SLC44A5: variants seen among roughly 807,000 people sequenced by gnomAD.
SLC44A5 encodes choline transporter-like protein 5.
Under a neutral mutation model 101.8 loss-of-function variants are expected in SLC44A5, and 57 were observed. The observed-to-expected ratio is 0.56, with a 90% CI of 0.45 to 0.70. SLC44A5 has a LOEUF of 0.70. Among genes scored for constraint, SLC44A5 ranks in the 30% least tolerant of loss-of-function variants. The probability of loss-of-function intolerance (pLI) is 0.00; values close to 1 mark genes in which losing one functional copy is unlikely to be tolerated. For missense variants in SLC44A5, 737 were observed against 853.1 expected, an observed-to-expected ratio of 0.86 and a Z score of 1.70; for synonymous variants, 281 against 290.9, an observed-to-expected ratio of 0.97 and a Z score of 0.35.
chr1:75,692,259 A>T, the SLC44A5 span, among the ~76,000 whole-genome samples: 134,642 of 148,410 alleles, frequency 0.91, 61,265 homozygotes, highest in Middle Eastern at 0.94. Context: ...AGTGGCACGA[A>T]CTTGGCTCAC....
chr1:75,599,301 G>A (rs897212105), intron 1 of SLC44A5, among the ~76,000 whole-genome samples: 2 of 152,176 alleles, frequency 1.3e-5, no homozygotes, highest in Non-Finnish European at 2.9e-5. Flanking sequence ...CTTGGAAATA[G>A]AGCACTGTTT....
chr1:75,610,987 T>C, intron 1 of SLC44A5, 53 bp downstream of exon 1: 1 of 843,762 alleles, frequency 1.2e-6, no homozygotes, highest in Non-Finnish European at 1.4e-6. Flanking sequence ...AATAACAAAC[T>C]TGACCAATTT....
At chr1:75,370,045 C>T (rs1660125530) in intron 3 of SLC44A5, among the ~76,000 whole-genome samples, 1 of 152,200 alleles carries the variant, frequency 6.6e-6, no homozygotes, top group South Asian at 2.1e-4. Context: ...TAGGCTTTTA[C>T]ACTAAGAGTA....
chr1:75,541,322 GACA>G lies in SLC44A5; in HGVS notation c.13+110_13+112del. 3.8e-6 allele frequency: 3 copies of G among 789,904 alleles called. No individual in the cohort carries two copies. In the South Asian group the frequency reaches 5.2e-5, roughly 14 times the overall value. 48.9% of individuals were successfully genotyped at this position (789,904 alleles called of 1,614,324 possible). ...TAGTTTTCCAGGTGCAGCTTCCAGTGACAACATAGTATATACTCATTTTTCTAT... is the reference window on the plus strand; with the variant it reads ...TAGTTTTCCAGGTGCAGCTTCCAGTGACATAGTATATACTCATTTTTCTAT... On this transcript the variant is annotated intron_variant, in intron 2 of 23. Transcript: ENST00000370859.
chr1:75,280,075 A>T (rs2100767749), intron 5 of SLC44A5, among the ~76,000 whole-genome samples: 1 of 144,782 alleles, frequency 6.9e-6, no homozygotes, highest in East Asian at 2.0e-4. Context: ...TGCAAATTAC[A>T]TTATTTCATT....
intron 1 of SLC44A5, among the ~76,000 whole-genome samples, chr1:75,572,115 T>C (rs1570643234): frequency 6.6e-6 from 1 of 152,210 alleles, no homozygotes; most frequent in South Asian, 2.1e-4. Flanking sequence ...TTTTATCTCC[T>C]GTGTACCCTT....
chr1:75,465,811 A>G (rs1412902556), intron 2 of SLC44A5, among the ~76,000 whole-genome samples: 8 of 152,162 alleles, frequency 5.3e-5, no homozygotes, highest in Non-Finnish European at 4.4e-5. Flanking sequence ...ACACATGCAA[A>G]CTACCAAGAT....
At chr1:75,408,097 C>A (rs552681428) in intron 2 of SLC44A5, among the ~76,000 whole-genome samples, 1 of 152,126 alleles carries the variant, frequency 6.6e-6, no homozygotes, top group Admixed American at 6.5e-5. Flanking sequence ...ATGTGGCCTA[C>A]AAACATATGA....
the SLC44A5 span, among the ~76,000 whole-genome samples, chr1:75,678,109 C>G: frequency 3.9e-5 from 6 of 152,274 alleles, no homozygotes; most frequent in African/African-American, 1.4e-4. Context: ...CTCGGAGGGT[C>G]CTACCCCACG....
intron 2 of SLC44A5, among the ~76,000 whole-genome samples, chr1:75,402,967 A>T (rs550276765): frequency 6.6e-6 from 1 of 152,346 alleles, no homozygotes; most frequent in South Asian, 2.1e-4. Flanking sequence ...CGCTGACAGC[A>T]CAGCAGTCTG....
At chr1:75,635,242 T>A in the SLC44A5 span, among the ~76,000 whole-genome samples, 1 of 151,108 alleles carries the variant, frequency 6.6e-6, no homozygotes, top group East Asian at 2.0e-4. Flanking sequence ...ATTGTGGAAG[T>A]CAGTGTGGCG....
chr1:75,700,619 A>G, the SLC44A5 span, among the ~76,000 whole-genome samples: 90 of 152,344 alleles, frequency 5.9e-4, no homozygotes, highest in Middle Eastern at 3.4e-3. Flanking sequence ...GAGCAAACAC[A>G]TTCAAAAGCT....
At chr1:75,470,045 C>T (rs1390542295) in intron 2 of SLC44A5, among the ~76,000 whole-genome samples, 1 of 151,822 alleles carries the variant, frequency 6.6e-6, no homozygotes, top group Non-Finnish European at 1.5e-5. Context: ...AAGTATTTAT[C>T]ACCAACCTTT....
chr1:75,644,950 A>G, the SLC44A5 span, among the ~76,000 whole-genome samples: 53,909 of 151,952 alleles, frequency 0.35, 11,290 homozygotes, highest in East Asian at 0.93. Flanking sequence ...TCCAAAGGAC[A>G]TGAACTCATC....
chr1:75,647,181 A>T, the SLC44A5 span, among the ~76,000 whole-genome samples: 171 of 152,322 alleles, frequency 1.1e-3, no homozygotes, highest in Non-Finnish European at 1.9e-3. Flanking sequence ...GCCATGGCTA[A>T]AAGGGGCCAA....
chr1:75,612,836 G>A (rs552029828), upstream of SLC44A5, among the ~76,000 whole-genome samples: 1 of 152,148 alleles, frequency 6.6e-6, no homozygotes, highest in Non-Finnish European at 1.5e-5. Context: ...GGGTGGTGAC[G>A]TGATTATAAC....
At position 75,316,378 on chromosome 1, in the gene SLC44A5, C is replaced by T. The variant is rs536278056; in HGVS notation, c.102-15693G>A. On this transcript the variant is annotated intron_variant, in intron 4 of 23. Coordinates refer to ENST00000370859, the MANE Select transcript of SLC44A5 (RefSeq NM_001130058.2). ...AACTTGTTAAAACATCATCAACACC[C>T]AGCTTAAATGTTACCACCTCTGTGA... 4.0e-5 allele frequency among the ~76,000 whole-genome samples: 6 copies of T among 151,740 alleles called. No individual in the cohort carries two copies. The South Asian group carries it at 1.2e-3, about 31-fold the overall frequency.
At chr1:75,433,498 G>A (rs1213239860) in intron 2 of SLC44A5, among the ~76,000 whole-genome samples, 1 of 152,040 alleles carries the variant, frequency 6.6e-6, no homozygotes, top group Non-Finnish European at 1.5e-5. Flanking sequence ...ACTCACTGAT[G>A]GCACATGTTT....
At chr1:75,271,724 C>A (rs1358253152) in intron 6 of SLC44A5, among the ~76,000 whole-genome samples, 1 of 152,014 alleles carries the variant, frequency 6.6e-6, no homozygotes, top group Non-Finnish European at 1.5e-5. Flanking sequence ...GGCTGAGGGG[C>A]ACTTACGTTG....
Sources: allele counts gnomAD v4.1 joint callset (sites outside exome capture counted in the v4.1 genomes callset), GRCh38; gene constraint gnomAD v4.1.1; transcripts MANE v1.5; gene names NCBI Gene and HGNC (gene_info 2026-07-23, HGNC 2026-07-21).